The following FMN1 variants were observed in gnomAD, a reference collection of about 807,000 sequenced individuals.
The protein encoded by FMN1 is formin 1, also known as formin-1.
Under a neutral mutation model 132.4 loss-of-function variants are expected in FMN1, and 110 were observed. The ratio of observed to expected loss-of-function variants is 0.83; its 90% CI spans 0.71 to 0.97. The LOEUF (loss-of-function observed/expected upper bound fraction) is 0.97, where lower values mean the gene tolerates loss of function less well. Among genes scored for constraint, FMN1 ranks in the 50% least tolerant of loss-of-function variants. The probability of loss-of-function intolerance (pLI) is 0.00; values close to 1 mark genes in which losing one functional copy is unlikely to be tolerated. For missense variants in FMN1, 1,792 were observed against 1,705.3 expected (o/e 1.05, Z -0.90); for synonymous variants, 722 against 651.7 (o/e 1.11, Z -1.64).
intron 15 of FMN1, among the ~76,000 whole-genome samples, chr15:32,896,114 A>G (rs1414374493): frequency 6.6e-6 from 1 of 151,980 alleles, no homozygotes; most frequent in Non-Finnish European, 1.5e-5. Flanking sequence ...CCTCTTACCA[A>G]TTACTTGAAA....
chr15:32,824,147 G>C (rs1258771), intron 17 of FMN1, among the ~76,000 whole-genome samples: 61,778 of 152,182 alleles, frequency 0.41, 14,496 homozygotes, highest in Non-Finnish European at 0.51. Context: ...GGTGGGAAAG[G>C]AATTTTTAAA....
intron 7 of FMN1, among the ~76,000 whole-genome samples, chr15:32,999,041 A>G (rs1055913010): frequency 6.6e-6 from 1 of 152,236 alleles, no homozygotes; most frequent in African/African-American, 2.4e-5. Context: ...AACATTTCAC[A>G]GTCACACTAA....
intron 19 of FMN1, among the ~76,000 whole-genome samples, chr15:32,789,827 T>C (rs546217705): frequency 2.0e-5 from 3 of 152,310 alleles, no homozygotes; most frequent in Admixed American, 6.5e-5. Flanking sequence ...TGTTTAGATA[T>C]GTTTAGATAC....
chr15:33,034,172 T>C (rs2036081804), intron 6 of FMN1, among the ~76,000 whole-genome samples: 1 of 152,138 alleles, frequency 6.6e-6, no homozygotes, highest in South Asian at 2.1e-4. Context: ...GCTCAACACT[T>C]CCTCATACAT....
chr15:32,843,563 T>C (rs76038739), intron 17 of FMN1, among the ~76,000 whole-genome samples: 97 of 152,374 alleles, frequency 6.4e-4, no homozygotes, highest in African/African-American at 2.3e-3. Flanking sequence ...TTTTAGTGGC[T>C]TTCTACATTA....
At chr15:33,009,736 A>G (rs1435164660) in intron 6 of FMN1, among the ~76,000 whole-genome samples, 1 of 152,226 alleles carries the variant, frequency 6.6e-6, no homozygotes, top group Non-Finnish European at 1.5e-5. Context: ...AGAGACATTA[A>G]GTAGCTTGAT....
At chr15:33,083,749 A>C (rs2038580204) in intron 5 of FMN1, among the ~76,000 whole-genome samples, 2 of 152,194 alleles carry the variant, frequency 1.3e-5, no homozygotes, top group South Asian at 4.1e-4. Flanking sequence ...CTGCATTCCT[A>C]GTAGATTAGG....
intron 6 of FMN1, among the ~76,000 whole-genome samples, chr15:33,042,587 T>A (rs1346755431): frequency 6.6e-6 from 1 of 152,226 alleles, no homozygotes; most frequent in Non-Finnish European, 1.5e-5. Flanking sequence ...CAGATCAGCA[T>A]ATAAAAGTGA....
At chr15:33,103,054 C>G (rs2039353093) in intron 4 of FMN1, among the ~76,000 whole-genome samples, 2 of 152,042 alleles carry the variant, frequency 1.3e-5, no homozygotes, top group South Asian at 4.1e-4. Flanking sequence ...ACCAGGCACT[C>G]CAGCATCTGA....
chr15:32,898,210 G>A (rs1383212128), intron 15 of FMN1, among the ~76,000 whole-genome samples: 1 of 152,168 alleles, frequency 6.6e-6, no homozygotes, highest in Non-Finnish European at 1.5e-5. Flanking sequence ...CATTTACTTT[G>A]AGACTTTTAC....
At chr15:32,972,612 C>T (rs2031880575) in intron 7 of FMN1, among the ~76,000 whole-genome samples, 1 of 152,150 alleles carries the variant, frequency 6.6e-6, no homozygotes, top group African/African-American at 2.4e-5. Context: ...TGTTCTCCTC[C>T]TACTTCTTTG....
At chr15:32,867,667 A>T (rs1273505572) in intron 16 of FMN1, among the ~76,000 whole-genome samples, 1 of 151,860 alleles carries the variant, frequency 6.6e-6, no homozygotes, top group Non-Finnish European at 1.5e-5. Context: ...AATTTTTTGT[A>T]TTTTTAGTAG....
intron 9 of FMN1, among the ~76,000 whole-genome samples, chr15:32,928,884 T>TA (rs2061029415): frequency 6.6e-6 from 1 of 152,158 alleles, no homozygotes; most frequent in African/African-American, 2.4e-5. Context: ...CTCTGTTAGC[T>TA]AATTAAAAGA....
intron 4 of FMN1, among the ~76,000 whole-genome samples, chr15:33,110,061 T>G (rs920114542): frequency 1.3e-5 from 2 of 152,074 alleles, no homozygotes; most frequent in African/African-American, 2.4e-5. Flanking sequence ...GAATAAAATT[T>G]GGAGAAACAA....
At chr15:32,964,324 C>T (rs2030971157) in intron 8 of FMN1, 67 bp from the exon 9 acceptor site, 5 of 1,092,348 alleles carry the variant, frequency 4.6e-6, no homozygotes, top group Non-Finnish European at 6.5e-6. Context: ...ACAATGAAAT[C>T]TTTCTCTAAT....
At chr15:33,000,248 G>A (rs547378986) in intron 7 of FMN1, among the ~76,000 whole-genome samples, 1 of 152,244 alleles carries the variant, frequency 6.6e-6, no homozygotes, top group East Asian at 1.9e-4. Context: ...AGGAGATCAA[G>A]ACTATGCCGG....
intron 6 of FMN1, among the ~76,000 whole-genome samples, chr15:33,037,809 C>G (rs1250669076): frequency 6.6e-6 from 1 of 152,174 alleles, no homozygotes; most frequent in East Asian, 1.9e-4. Flanking sequence ...TGCTTAAACA[C>G]TTACTAAGAT....
rs2038137830 is a variant in FMN1, at chr15:33,074,831, G to A, written c.2044-9757C>T. Among the ~76,000 whole-genome samples, 2 of 151,828 alleles carry A rather than the reference G, an allele frequency of 1.3e-5. 1 individual carries two copies. The highest frequency in any genetic ancestry group is 4.2e-4 in the South Asian group (2 of 4,786). On this transcript the variant is annotated intron_variant, in intron 5 of 20. Coordinates refer to ENST00000616417, the MANE Select transcript of FMN1 (RefSeq NM_001277313.2). ...AAGAGTTCAAGACCAGCCTGGTCAA[G>A]ATGGTGGAACTCCGTCTCTACTAAA...
intron 5 of FMN1, among the ~76,000 whole-genome samples, chr15:33,076,069 G>A (rs2038195908): frequency 6.6e-6 from 1 of 152,160 alleles, no homozygotes; most frequent in Non-Finnish European, 1.5e-5. Context: ...GTAAAATAAT[G>A]TAAAAGGGGA....
Sources: gnomAD v4.1 joint callset for allele counts (sites outside exome capture counted in the v4.1 genomes callset) on GRCh38, gnomAD v4.1.1 for gene constraint, MANE v1.5 for transcripts, NCBI Gene and HGNC (gene_info 2026-07-23, HGNC 2026-07-21) for gene names.